Variants in ADAM9 observed in about 807,000 individuals in gnomAD.
ADAM9 encodes the protein ADAM metallopeptidase domain 9, also known as disintegrin and metalloproteinase domain-containing protein 9.
A neutral mutation model predicts 108.1 loss-of-function variants in ADAM9; 54 were observed. The observed-to-expected ratio is 0.50, with a 90% CI of 0.40 to 0.63. ADAM9 has a LOEUF of 0.63. ADAM9 is among the 20% of genes least tolerant of loss of function. ADAM9 has a pLI of 0.00. For synonymous variants in ADAM9, 316 were observed against 336.0 expected (o/e 0.94, Z 0.65); for missense variants, 830 against 997.7 (o/e 0.83, Z 2.26).
In ADAM9 at chr8:38,997,144, C is replaced by T. The variant is rs530146456; in HGVS notation, c.81C>T (p.Leu27=). The change falls in exon 1 of 22, where the codon CTC becomes CTT. Residue 27 remains leucine, a synonymous_variant. Transcript: ENST00000487273. ...TGCTTGGCCTGGTGGGCCCAGTCCT[C>T]GGTGCGGCGCGGCCAGGTGGGTGTC... ...LLLLGLVGPV[L]GAARPGFQQT... 51 of 1,600,134 alleles carry T rather than the reference C, an allele frequency of 3.2e-5. No homozygotes were observed. The highest frequency in any genetic ancestry group is 1.2e-4 in the African/African-American group (9 of 74,950).
chr8:39,096,756 C>A lies in ADAM9; in HGVS notation c.2299-5107C>A, dbSNP rs141812656. Among the ~76,000 whole-genome samples, 88 of 152,246 alleles carry A rather than the reference C, an allele frequency of 5.8e-4. 1 individual carries two copies. The highest frequency in any genetic ancestry group is 2.0e-3 in the African/African-American group (85 of 41,554). On this transcript the variant is annotated intron_variant, in intron 20 of 21. Coordinates refer to ENST00000487273, the MANE Select transcript of ADAM9 (RefSeq NM_003816.3). ...CCACTGATGCTTTCTTCTGCCTCAT[C>A]ATGTTTGTTGTTGAATCCTTTTAGT...
At chr8:38,997,302 G>C in intron 1 of ADAM9, 142 bp downstream of exon 1, 1 of 979,054 alleles carries the variant, frequency 1.0e-6, no homozygotes. Context: ...CTCCAGGTGT[G>C]TGCGGACCGG....
chr8:39,079,351 C>T (rs907057863), intron 16 of ADAM9, among the ~76,000 whole-genome samples: 7 of 152,070 alleles, frequency 4.6e-5, no homozygotes, highest in African/African-American at 1.2e-4. Flanking sequence ...AAGCGATTCT[C>T]CCTCCTCAGC....
At chr8:38,999,157 T>C (rs1361914685) in intron 1 of ADAM9, among the ~76,000 whole-genome samples, 1 of 152,172 alleles carries the variant, frequency 6.6e-6, no homozygotes, top group South Asian at 2.1e-4. Flanking sequence ...TATAAGGTGT[T>C]TAAAACGTGC....
chr8:39,011,752 G>A (rs1190750612), intron 3 of ADAM9, 36 bp downstream of exon 3: 2 of 1,552,268 alleles, frequency 1.3e-6, no homozygotes, highest in South Asian at 1.1e-5. Flanking sequence ...TTTCAGTAAT[G>A]TTTTTCCAAT....
intron 3 of ADAM9, among the ~76,000 whole-genome samples, chr8:39,012,706 A>G (rs1369958264): frequency 6.6e-6 from 1 of 152,272 alleles, no homozygotes; most frequent in East Asian, 1.9e-4. Flanking sequence ...ACAAAAAACC[A>G]AACACCACAT....
chr8:39,056,015 A>G (rs1421309058), intron 14 of ADAM9, among the ~76,000 whole-genome samples: 2 of 152,120 alleles, frequency 1.3e-5, no homozygotes, highest in Admixed American at 1.3e-4. Context: ...ACACAGATAC[A>G]TATATAGTAT....
intron 1 of ADAM9, among the ~76,000 whole-genome samples, chr8:39,006,645 G>A: frequency 6.6e-6 from 1 of 151,486 alleles, no homozygotes; most frequent in East Asian, 1.9e-4. Flanking sequence ...GAGAGACTAT[G>A]TATTGGACTC....
intron 1 of ADAM9, among the ~76,000 whole-genome samples, chr8:39,000,821 G>A (rs894734282): frequency 3.9e-5 from 6 of 152,064 alleles, no homozygotes; most frequent in Admixed American, 1.3e-4. Flanking sequence ...AACTTGGTCC[G>A]TTTTAAAATA....
At chr8:39,101,384 G>A (rs1291576516) in intron 20 of ADAM9, among the ~76,000 whole-genome samples, 10 of 152,110 alleles carry the variant, frequency 6.6e-5, no homozygotes, top group African/African-American at 2.2e-4. Flanking sequence ...AGAATGCACT[G>A]TTTAGTACTT....
intron 20 of ADAM9, among the ~76,000 whole-genome samples, chr8:39,100,264 C>A (rs1163128638): frequency 6.6e-6 from 1 of 151,408 alleles, no homozygotes; most frequent in Admixed American, 6.6e-5. Flanking sequence ...CTGAGGTGGG[C>A]GGATCATGAG....
chr8:39,002,154 G>T (rs185909318), intron 1 of ADAM9, among the ~76,000 whole-genome samples: 148 of 151,194 alleles, frequency 9.8e-4, no homozygotes, highest in African/African-American at 3.5e-3. Context: ...GAAATACTTT[G>T]GAAACAGAAT....
chr8:39,014,804 C>CAAAT (rs575154550), intron 4 of ADAM9: 163 of 407,418 alleles, frequency 4.0e-4, no homozygotes, highest in African/African-American at 3.6e-3. Flanking sequence ...CAGCATTCTT[C>CAAAT]AAATAGGAGG....
chr8:39,072,803 T>G (rs530100341), intron 15 of ADAM9, among the ~76,000 whole-genome samples: 1 of 152,368 alleles, frequency 6.6e-6, no homozygotes, highest in African/African-American at 2.4e-5. Flanking sequence ...GTTTGCTTCT[T>G]TTTCATAGAA....
intron 1 of ADAM9, 78 bp from the exon 2 acceptor site, chr8:39,007,808 T>C: frequency 1.0e-6 from 1 of 992,866 alleles, no homozygotes; most frequent in East Asian, 2.4e-5. Flanking sequence ...GATTTGAACA[T>C]TTTGATTTTT....
intron 14 of ADAM9, among the ~76,000 whole-genome samples, chr8:39,066,236 G>A (rs1838468188): frequency 6.6e-6 from 1 of 152,200 alleles, no homozygotes; most frequent in Non-Finnish European, 1.5e-5. Flanking sequence ...CTTTATAGCA[G>A]CATGATTTAT....
chr8:39,014,530 T>C (rs1317028700), intron 4 of ADAM9: 1 of 702,458 alleles, frequency 1.4e-6, no homozygotes, highest in African/African-American at 1.7e-5. Flanking sequence ...AGAGTACTCC[T>C]GGGGACAGAG....
At chr8:39,017,755 T>C (rs1564245019) in intron 6 of ADAM9, among the ~76,000 whole-genome samples, 1 of 152,022 alleles carries the variant, frequency 6.6e-6, no homozygotes, top group Non-Finnish European at 1.5e-5. Context: ...CGTGCCTGGC[T>C]AATTTAAAAC....
chr8:39,044,377 G>C (rs1451524346), intron 12 of ADAM9, among the ~76,000 whole-genome samples: 1 of 152,138 alleles, frequency 6.6e-6, no homozygotes, highest in African/African-American at 2.4e-5. Context: ...CCTTGTTGAA[G>C]ATCAGGTGAT....
Sources: gnomAD v4.1 joint callset for allele counts (sites outside exome capture counted in the v4.1 genomes callset) on GRCh38, gnomAD v4.1.1 for gene constraint, MANE v1.5 for transcripts, NCBI Gene and HGNC (gene_info 2026-07-23, HGNC 2026-07-21) for gene names.